Variants in MYT1L observed in about 807,000 individuals in gnomAD.
The protein encoded by MYT1L is myelin transcription factor 1 like.
In MYT1L, 12 loss-of-function variants were observed where a neutral mutation model predicts 126.7. The ratio of observed to expected loss-of-function variants is 0.09; its 90% confidence interval spans 0.06 to 0.15. The LOEUF (loss-of-function observed/expected upper bound fraction) is 0.15. Ranked by LOEUF, MYT1L falls within the 10% of genes least tolerant of loss-of-function variation. MYT1L has a pLI of 1.00. For missense variants in MYT1L, 979 were observed against 1,585.2 expected, an observed-to-expected ratio of 0.62 and a Z score of 6.49; for synonymous variants, 541 against 604.2, an observed-to-expected ratio of 0.90 and a Z score of 1.53.
chr2:2,077,457 G>C (rs79268276), intron 3 of MYT1L, among the ~76,000 whole-genome samples: 4,184 of 152,192 alleles, frequency 0.027, 85 homozygotes, highest in South Asian at 0.089. Flanking sequence ...AGATAAAAAG[G>C]CAGAGAATAG....
chr2:1,900,040 C>T (rs537419070), intron 14 of MYT1L, among the ~76,000 whole-genome samples: 1 of 152,302 alleles, frequency 6.6e-6, no homozygotes, highest in African/African-American at 2.4e-5. Context: ...CTCCATGGCC[C>T]TGACCTTTGG....
chr2:1,927,923 A>C (rs2054447751), intron 9 of MYT1L, among the ~76,000 whole-genome samples: 1 of 115,356 alleles, frequency 8.7e-6, no homozygotes, highest in Non-Finnish European at 1.7e-5. Context: ...ATGATAAGGA[A>C]AAAAAACCAA....
rs111905870 is a variant in MYT1L, at chr2:2,248,171, T to TA, written c.-421+36232dup. Among the ~76,000 whole-genome samples the TA allele has an allele frequency of 5.1e-3, 755 of 149,194 alleles. 9 individuals are homozygous for TA. Among genetic ancestry groups the TA allele is most frequent in the African/African-American group, 0.017 (695 of 40,646 alleles). ...AAAAGAGAGAAGACTCAAATAAATT[T>TA]AAAAAAAAAGGAATGAAAAAGGAGT... is the stretch of plus-strand genomic sequence containing the variant. On this transcript the variant is annotated intron_variant, in intron 2 of 24. Coordinates refer to ENST00000647738, the MANE Select transcript of MYT1L (RefSeq NM_001303052.2).
intron 9 of MYT1L, among the ~76,000 whole-genome samples, chr2:1,932,291 C>A (rs564257124): frequency 6.2e-4 from 95 of 152,248 alleles, no homozygotes; most frequent in Non-Finnish European, 1.3e-3. Flanking sequence ...TATGGAGGTG[C>A]CTAGATACTT....
chr2:1,861,022 TAGCCCCAGA>T (rs1370246078), intron 18 of MYT1L, among the ~76,000 whole-genome samples: 2 of 152,060 alleles, frequency 1.3e-5, no homozygotes, highest in African/African-American at 4.8e-5. Context: ...CACTCACTCC[TAGCCCCAGA>T]GGGCACAGAG....
intron 4 of MYT1L, among the ~76,000 whole-genome samples, chr2:2,019,004 CAATA>C (rs2064744982): frequency 1.3e-5 from 2 of 152,106 alleles, no homozygotes; most frequent in Non-Finnish European, 2.9e-5. Context: ...CACCTTAGTA[CAATA>C]CTAGATGCTG....
chr2:2,034,089 T>A (rs1276893075), intron 4 of MYT1L, among the ~76,000 whole-genome samples: 2 of 152,206 alleles, frequency 1.3e-5, no homozygotes, highest in African/African-American at 4.8e-5. Flanking sequence ...CACAGGTCAC[T>A]TCATTTTTCT....
intron 2 of MYT1L, among the ~76,000 whole-genome samples, chr2:2,261,700 T>C (rs879546820): frequency 2.0e-5 from 3 of 152,164 alleles, no homozygotes; most frequent in Admixed American, 2.0e-4. Context: ...AATAATACAT[T>C]TGTGGAGATC....
intron 19 of MYT1L, among the ~76,000 whole-genome samples, chr2:1,846,821 T>C (rs1446719849): frequency 1.3e-5 from 2 of 152,154 alleles, no homozygotes; most frequent in East Asian, 3.9e-4. Context: ...ACTGACAGGG[T>C]TGGACAAGCA....
chr2:1,978,589 A>G (rs1288599602), intron 8 of MYT1L, among the ~76,000 whole-genome samples: 3 of 152,176 alleles, frequency 2.0e-5, no homozygotes, highest in Non-Finnish European at 4.4e-5. Flanking sequence ...CGCAGACCTG[A>G]AATGCTGGTA....
chr2:1,963,080 A>G (rs936672171), intron 8 of MYT1L, among the ~76,000 whole-genome samples: 2 of 152,234 alleles, frequency 1.3e-5, no homozygotes, highest in East Asian at 1.9e-4. Context: ...TTCTTAAATA[A>G]TAAGGCTCGA....
intron 3 of MYT1L, among the ~76,000 whole-genome samples, chr2:2,087,504 A>T (rs1289906144): frequency 6.6e-6 from 1 of 152,210 alleles, no homozygotes; most frequent in African/African-American, 2.4e-5. Flanking sequence ...TGCTGAGGGG[A>T]TCACACAGCA....
At chr2:2,007,676 T>C (rs2063460528) in intron 4 of MYT1L, among the ~76,000 whole-genome samples, 1 of 152,202 alleles carries the variant, frequency 6.6e-6, no homozygotes, top group Admixed American at 6.5e-5. Flanking sequence ...AACTTGTTTT[T>C]TTCCATTCAC....
At position 1,886,431 on chromosome 2, in the gene MYT1L, G is replaced by T. The variant is rs375249993; in HGVS notation, c.2711+108C>A. ...TACATCAAGGCACTGGGGTGCACAG[G>T]CCATGTTTTTTAACAGACATTTTTC... On this transcript the variant is annotated intron_variant, in intron 18 of 24. Coordinates refer to ENST00000647738, the MANE Select transcript of MYT1L (RefSeq NM_001303052.2). 1.8e-4 allele frequency: 137 copies of T among 765,376 alleles called. 2 individuals carry two copies. The East Asian group carries it at 2.2e-3, about 12-fold the overall frequency. 47.4% of individuals were successfully genotyped at this position (765,376 alleles called of 1,614,324 possible).
chr2:1,939,979 C>T (rs1248040213), intron 9 of MYT1L, among the ~76,000 whole-genome samples: 5 of 152,234 alleles, frequency 3.3e-5, no homozygotes, highest in African/African-American at 7.2e-5. Context: ...AACAAGCCTT[C>T]GGTGTCCCTC....
intron 8 of MYT1L, among the ~76,000 whole-genome samples, chr2:1,976,223 G>A (rs1483480305): frequency 6.6e-6 from 1 of 152,038 alleles, no homozygotes; most frequent in African/African-American, 2.4e-5. Flanking sequence ...TTCCCATCAG[G>A]AACCTGACAG....
At chr2:1,866,323 C>T (rs375641112) in intron 18 of MYT1L, among the ~76,000 whole-genome samples, 6 of 152,222 alleles carry the variant, frequency 3.9e-5, no homozygotes, top group South Asian at 2.1e-4. Flanking sequence ...CTGGCCCCGT[C>T]GCCTGCTGCC....
chr2:2,186,954 A>G (rs972449754), intron 2 of MYT1L, among the ~76,000 whole-genome samples: 19 of 152,098 alleles, frequency 1.2e-4, no homozygotes, highest in African/African-American at 4.8e-5. Context: ...ATTTATTTCT[A>G]TTTGCTCTGA....
chr2:2,285,463 A>G (rs751239732), intron 1 of MYT1L, among the ~76,000 whole-genome samples: 11 of 152,264 alleles, frequency 7.2e-5, no homozygotes, highest in Non-Finnish European at 1.0e-4. Context: ...TGGAAAATTA[A>G]TTCAACTTTT....
Sources: allele counts gnomAD v4.1 joint callset (sites outside exome capture counted in the v4.1 genomes callset), GRCh38; gene constraint gnomAD v4.1.1; transcripts MANE v1.5; gene names NCBI Gene and HGNC (gene_info 2026-07-23, HGNC 2026-07-21).